The following POU6F2 variants were observed in gnomAD, a reference collection of about 807,000 sequenced individuals.
POU6F2 encodes the protein POU class 6 homeobox 2.
A neutral mutation model predicts 71.3 loss-of-function variants in POU6F2; 31 were observed. The observed-to-expected ratio is 0.43, with a 90% CI of 0.33 to 0.59. POU6F2 has a LOEUF of 0.59. Ranked by LOEUF, POU6F2 falls within the 20% of genes least tolerant of loss-of-function variation. The probability of loss-of-function intolerance (pLI) is 0.04; values close to 1 mark genes in which losing one functional copy is unlikely to be tolerated. For missense variants in POU6F2, 783 were observed against 856.8 expected (o/e 0.91, Z 1.07); for synonymous variants, 347 against 355.7 (o/e 0.98, Z 0.27).
intron 2 of POU6F2, among the ~76,000 whole-genome samples, chr7:39,155,645 C>T (rs1584572248): frequency 6.6e-6 from 1 of 152,162 alleles, no homozygotes; most frequent in Admixed American, 6.5e-5. Flanking sequence ...AAATGTTTTA[C>T]TCTCAAGACA....
intron 2 of POU6F2, among the ~76,000 whole-genome samples, chr7:39,123,626 G>A (rs908267709): frequency 2.6e-5 from 4 of 152,140 alleles, no homozygotes; most frequent in African/African-American, 9.7e-5. Flanking sequence ...GCTTGGCCAG[G>A]ATTTAAAATA....
At chr7:39,459,732 C>G (rs1562560948) in intron 8 of POU6F2, among the ~76,000 whole-genome samples, 1 of 152,180 alleles carries the variant, frequency 6.6e-6, no homozygotes, top group Non-Finnish European at 1.5e-5. Context: ...CCACCATCCC[C>G]AACCCATGCT....
At chr7:39,334,832 A>C (rs1327756914) in intron 4 of POU6F2, among the ~76,000 whole-genome samples, 1 of 152,210 alleles carries the variant, frequency 6.6e-6, no homozygotes, top group Non-Finnish European at 1.5e-5. Context: ...AAAAGCACAC[A>C]ATAAATACAG....
chr7:39,417,833 C>T (rs1787715276), intron 6 of POU6F2, among the ~76,000 whole-genome samples: 2 of 152,298 alleles, frequency 1.3e-5, no homozygotes, highest in South Asian at 4.1e-4. Flanking sequence ...GCTCTGCCCC[C>T]GCTGGCAAGA....
intron 4 of POU6F2, among the ~76,000 whole-genome samples, chr7:39,214,504 A>T (rs1794202653): frequency 6.6e-6 from 1 of 152,224 alleles, no homozygotes; most frequent in African/African-American, 2.4e-5. Flanking sequence ...GGTCAGCAGC[A>T]TTGTGATGCT....
intron 4 of POU6F2, among the ~76,000 whole-genome samples, chr7:39,322,125 T>C (rs959130696): frequency 1.3e-5 from 2 of 152,230 alleles, no homozygotes; most frequent in African/African-American, 4.8e-5. Context: ...TTGTGTTGCT[T>C]TACCCGTCCT....
chr7:39,085,576 A>G, intron 1 of POU6F2, among the ~76,000 whole-genome samples: 1 of 151,186 alleles, frequency 6.6e-6, no homozygotes. Flanking sequence ...CTTTCAAAGA[A>G]GTTTTTTTTT....
chr7:39,430,418 C>T (rs1367161759), intron 6 of POU6F2, among the ~76,000 whole-genome samples: 2 of 152,160 alleles, frequency 1.3e-5, no homozygotes, highest in African/African-American at 4.8e-5. Context: ...GTTATCCTAT[C>T]CTTGATAAGT....
intron 2 of POU6F2, among the ~76,000 whole-genome samples, chr7:39,089,046 A>T (rs1205544431): frequency 6.6e-6 from 1 of 152,236 alleles, no homozygotes; most frequent in Admixed American, 6.5e-5. Context: ...TGAGCAGCTC[A>T]GAATACCAGA....
chr7:39,099,463 A>G (rs1215465139), intron 2 of POU6F2, among the ~76,000 whole-genome samples: 2 of 152,238 alleles, frequency 1.3e-5, no homozygotes. Context: ...TGTTGGGAAC[A>G]GAGCATTTGT....
At chr7:39,419,325 G>T (rs1375168080) in intron 6 of POU6F2, among the ~76,000 whole-genome samples, 1 of 151,698 alleles carries the variant, frequency 6.6e-6, no homozygotes, top group African/African-American at 2.4e-5. Flanking sequence ...TGCAACCTCT[G>T]CCTGCTAGGT....
intron 2 of POU6F2, among the ~76,000 whole-genome samples, chr7:39,100,601 A>C (rs1562706009): frequency 6.6e-6 from 1 of 152,206 alleles, no homozygotes; most frequent in Non-Finnish European, 1.5e-5. Flanking sequence ...GATATTGAAA[A>C]ATATTAAATC....
intron 5 of POU6F2, among the ~76,000 whole-genome samples, chr7:39,351,132 A>T (rs1583544069): frequency 6.6e-6 from 1 of 152,248 alleles, no homozygotes; most frequent in Non-Finnish European, 1.5e-5. Context: ...ACAACTATGT[A>T]TGATCTTGTA....
chr7:39,394,212 G>A lies in POU6F2; in HGVS notation c.973-12388G>A, dbSNP rs186932971. Reference sequence around the variant, plus strand: ...CAGCCATGGGGGTTCTTCATCATCTGTCTATGTAGTTTTTTGTAATAGAGA... The same window carrying A: ...CAGCCATGGGGGTTCTTCATCATCTATCTATGTAGTTTTTTGTAATAGAGA... On this transcript the variant is annotated intron_variant, in intron 5 of 9. Transcript: ENST00000518318. Among the ~76,000 whole-genome samples, 543 of 152,254 alleles carry A rather than the reference G, an allele frequency of 3.6e-3. 4 individuals are homozygous for A. Among genetic ancestry groups the A allele is most frequent in the Admixed American group, 5.2e-3 (80 of 15,294 alleles).
intron 3 of POU6F2, 61 bp downstream of exon 3, chr7:39,204,387 C>A: frequency 1.5e-6 from 2 of 1,339,046 alleles, no homozygotes; most frequent in Admixed American, 2.0e-5. Context: ...CCATATAAAT[C>A]ACCAAATAAA....
intron 2 of POU6F2, among the ~76,000 whole-genome samples, chr7:39,144,346 T>A (rs1037209233): frequency 6.6e-6 from 1 of 152,248 alleles, no homozygotes; most frequent in African/African-American, 2.4e-5. Context: ...TCTGAAGAAC[T>A]ATGGATAAAC....
At chr7:39,246,865 G>C (rs1186680115) in intron 4 of POU6F2, among the ~76,000 whole-genome samples, 2 of 134,350 alleles carry the variant, frequency 1.5e-5, no homozygotes, top group Non-Finnish European at 3.1e-5. Flanking sequence ...TCTCTCTGCT[G>C]TTTTGAGACA....
At chr7:39,305,407 T>C (rs1177729302) in intron 4 of POU6F2, among the ~76,000 whole-genome samples, 1 of 152,262 alleles carries the variant, frequency 6.6e-6, no homozygotes, top group East Asian at 1.9e-4. Context: ...AAATGCCTTC[T>C]TATAACTCTT....
chr7:39,329,524 C>T (rs1029954444), intron 4 of POU6F2, among the ~76,000 whole-genome samples: 1 of 152,098 alleles, frequency 6.6e-6, no homozygotes, highest in African/African-American at 2.4e-5. Context: ...AGTCACCGCC[C>T]CCTTACGGAA....
Sources: gnomAD v4.1 joint callset for allele counts (sites outside exome capture counted in the v4.1 genomes callset) on GRCh38, gnomAD v4.1.1 for gene constraint, MANE v1.5 for transcripts, NCBI Gene and HGNC (gene_info 2026-07-23, HGNC 2026-07-21) for gene names.